The following FYN variants were observed in gnomAD, a reference collection of about 807,000 sequenced individuals.
FYN encodes FYN proto-oncogene, Src family tyrosine kinase.
FYN carries 10 observed loss-of-function variants against 70.2 expected under a neutral mutation model. The observed-to-expected ratio is 0.14, with a 90% confidence interval of 0.09 to 0.24. The LOEUF (loss-of-function observed/expected upper bound fraction) is 0.24, where lower values mean the gene tolerates loss of function less well. Among genes scored for constraint, FYN ranks in the 10% least tolerant of loss-of-function variants. The pLI, the probability that FYN is intolerant of heterozygous loss-of-function variation, is 1.00. For synonymous variants in FYN, 236 were observed against 248.6 expected (o/e 0.95, Z 0.48); for missense variants, 319 against 673.1 (o/e 0.47, Z 5.82).
chr6:111,838,300 C>T (rs374609264), intron 2 of FYN, among the ~76,000 whole-genome samples: 3 of 152,154 alleles, frequency 2.0e-5, no homozygotes, highest in South Asian at 4.1e-4. Context: ...GACTAAGCAC[C>T]CTACCAACTT....
At chr6:111,769,134 C>G (rs749809526) in intron 3 of FYN, among the ~76,000 whole-genome samples, 4 of 152,122 alleles carry the variant, frequency 2.6e-5, no homozygotes, top group Non-Finnish European at 4.4e-5. Flanking sequence ...CCAAAGGATA[C>G]AGCACTGAAG....
chr6:111,800,562 C>T (rs540523773), intron 2 of FYN, among the ~76,000 whole-genome samples: 5 of 152,332 alleles, frequency 3.3e-5, no homozygotes, highest in African/African-American at 1.2e-4. Flanking sequence ...ACGACTGCAA[C>T]CGCGCTTCCT....
At chr6:111,753,098 T>G (rs975121871) in intron 3 of FYN, among the ~76,000 whole-genome samples, 1 of 152,186 alleles carries the variant, frequency 6.6e-6, no homozygotes. Flanking sequence ...CAGAAAAAAC[T>G]GGTCTTGCAG....
chr6:111,691,455 G>C (rs1799312038), intron 12 of FYN, among the ~76,000 whole-genome samples: 1 of 152,202 alleles, frequency 6.6e-6, no homozygotes, highest in Non-Finnish European at 1.5e-5. Context: ...TGGCCTGTGG[G>C]TAACATAAAA....
intron 3 of FYN, among the ~76,000 whole-genome samples, chr6:111,733,872 G>GA (rs1226345979): frequency 6.6e-6 from 1 of 152,188 alleles, no homozygotes; most frequent in Admixed American, 6.5e-5. Context: ...CGGAATACTT[G>GA]AAGCCAGGAA....
intron 2 of FYN, among the ~76,000 whole-genome samples, chr6:111,784,053 T>C (rs1322084777): frequency 6.6e-6 from 1 of 152,148 alleles, no homozygotes; most frequent in Non-Finnish European, 1.5e-5. Flanking sequence ...GAAGAATGTT[T>C]TTCTGGGAGC....
chr6:111,675,747 C>A (rs910153729), intron 12 of FYN, among the ~76,000 whole-genome samples: 13 of 151,616 alleles, frequency 8.6e-5, no homozygotes, highest in African/African-American at 2.7e-4. Context: ...GAGCCGAGAT[C>A]GTGCCATTAT....
At chr6:111,697,788 A>C (rs902946989) in intron 9 of FYN, among the ~76,000 whole-genome samples, 8 of 152,248 alleles carry the variant, frequency 5.3e-5, no homozygotes, top group African/African-American at 1.9e-4. Context: ...ACAAAATGTG[A>C]ACAGTATATG....
rs935834321 is a variant in FYN at position 111,827,744 on chromosome 6, G to A, written c.-82+18845C>T. Among the ~76,000 whole-genome samples the A allele has an allele frequency of 5.9e-5, 9 of 152,090 alleles. No homozygotes were observed. The East Asian group carries it at 1.7e-3, about 29-fold the overall frequency. On this transcript the variant is annotated intron_variant, in intron 2 of 13. Coordinates refer to ENST00000354650, the MANE Select transcript of FYN (RefSeq NM_002037.5). ...TCACAATTATTCCTCAGCTATTTAAGAACCACATTAAAGACCAATTAGATT... is the reference window on the plus strand; with the variant it reads ...TCACAATTATTCCTCAGCTATTTAAAAACCACATTAAAGACCAATTAGATT...
At chr6:111,729,977 G>T (rs1801372609) in intron 3 of FYN, among the ~76,000 whole-genome samples, 1 of 152,126 alleles carries the variant, frequency 6.6e-6, no homozygotes, top group Non-Finnish European at 1.5e-5. Flanking sequence ...GTTACTGATT[G>T]AATTTGTATG....
At chr6:111,830,459 G>A (rs1772981219) in intron 2 of FYN, among the ~76,000 whole-genome samples, 1 of 152,162 alleles carries the variant, frequency 6.6e-6, no homozygotes, top group Admixed American at 6.5e-5. Flanking sequence ...GCCTGCGTGT[G>A]GCAGACCACA....
chr6:111,822,174 T>C lies in FYN; in HGVS notation c.-82+24415A>G, dbSNP rs576850408. Among the ~76,000 whole-genome samples, 8 of 152,284 alleles carry C rather than the reference T, an allele frequency of 5.3e-5. No homozygotes were observed. The East Asian group carries it at 7.7e-4, about 15-fold the overall frequency. ...TAAATCATGCTGCTATAAAGACACA[T>C]GCACATGTATGTTTATTGTGGCACT... On this transcript the variant is annotated intron_variant, in intron 2 of 13. Transcript: ENST00000354650.
At chr6:111,721,134 A>AT (rs1267074491) in intron 3 of FYN, among the ~76,000 whole-genome samples, 11 of 152,094 alleles carry the variant, frequency 7.2e-5, no homozygotes, top group Non-Finnish European at 1.5e-4. Flanking sequence ...TTAATAAGGC[A>AT]CCGCTTCCTC....
intron 10 of FYN, 72 bp downstream of exon 10, chr6:111,696,205 A>C: frequency 7.8e-7 from 1 of 1,278,484 alleles, no homozygotes; most frequent in Non-Finnish European, 1.0e-6. Flanking sequence ...GCAAGTAGGA[A>C]ACTTCCATTT....
At chr6:111,871,394 G>C (rs941721157) in intron 1 of FYN, among the ~76,000 whole-genome samples, 1 of 152,226 alleles carries the variant, frequency 6.6e-6, no homozygotes, top group Admixed American at 6.5e-5. Flanking sequence ...ACATAGGGTG[G>C]AAAGTATTGC....
chr6:111,838,365 A>G (rs1026770498), intron 2 of FYN, among the ~76,000 whole-genome samples: 17 of 152,324 alleles, frequency 1.1e-4, no homozygotes, highest in African/African-American at 3.8e-4. Flanking sequence ...CTATTATGAC[A>G]GATCACAAAT....
At chr6:111,821,325 T>C (rs1044857037) in intron 2 of FYN, among the ~76,000 whole-genome samples, 1 of 151,988 alleles carries the variant, frequency 6.6e-6, no homozygotes. Flanking sequence ...TCAGAAATAA[T>C]ACCACACATC....
intron 3 of FYN, among the ~76,000 whole-genome samples, chr6:111,775,217 T>C (rs1246051416): frequency 1.3e-5 from 2 of 152,022 alleles, no homozygotes; most frequent in Non-Finnish European, 2.9e-5. Context: ...CCTTAATAAG[T>C]GGGAAATTTT....
chr6:111,716,430 T>C (rs951056500), intron 4 of FYN, among the ~76,000 whole-genome samples: 1 of 152,204 alleles, frequency 6.6e-6, no homozygotes, highest in Admixed American at 6.5e-5. Context: ...GGTTCTATGC[T>C]CCCTGGAATA....
Sources: gnomAD v4.1 joint callset for allele counts (sites outside exome capture counted in the v4.1 genomes callset) on GRCh38, gnomAD v4.1.1 for gene constraint, MANE v1.5 for transcripts, NCBI Gene and HGNC (gene_info 2026-07-23, HGNC 2026-07-21) for gene names.